FKBP5: variants seen among roughly 807,000 people sequenced by gnomAD.
The protein encoded by FKBP5 is peptidyl-prolyl cis-trans isomerase FKBP5.
FKBP5 carries 23 observed loss-of-function variants against 50.5 expected under a neutral mutation model. That is an observed-to-expected ratio of 0.46 (90% confidence interval 0.33 to 0.65). The LOEUF (loss-of-function observed/expected upper bound fraction) is 0.65. FKBP5 is among the 30% of genes least tolerant of loss of function. FKBP5 has a pLI of 0.02. For synonymous variants in FKBP5, 176 were observed against 190.6 expected, an observed-to-expected ratio of 0.92 and a Z score of 0.63; for missense variants, 411 against 553.1, an observed-to-expected ratio of 0.74 and a Z score of 2.58.
At chr6:35,621,824 A>C (rs1763854413) in intron 3 of FKBP5, among the ~76,000 whole-genome samples, 1 of 151,844 alleles carries the variant, frequency 6.6e-6, no homozygotes, top group African/African-American at 2.4e-5. Context: ...TCCACAAAAA[A>C]ATATATTTAA....
At chr6:35,603,386 T>C (rs1428434464) in intron 5 of FKBP5, among the ~76,000 whole-genome samples, 1 of 152,204 alleles carries the variant, frequency 6.6e-6, no homozygotes, top group East Asian at 1.9e-4. Flanking sequence ...AGGCAGTATC[T>C]TGTACTTCTT....
At chr6:35,578,742 T>A (rs1172711557) in intron 9 of FKBP5, among the ~76,000 whole-genome samples, 2 of 139,132 alleles carry the variant, frequency 1.4e-5, no homozygotes, top group African/African-American at 2.7e-5. Flanking sequence ...CACTCCAGAC[T>A]GGGTAACAGA....
At chr6:35,578,968 T>C (rs1581779281) in intron 9 of FKBP5, among the ~76,000 whole-genome samples, 1 of 141,936 alleles carries the variant, frequency 7.0e-6, no homozygotes, top group East Asian at 2.1e-4. Context: ...ATTTAAAAAT[T>C]AGCAGGGTGT....
At chr6:35,598,083 ATT>A (rs1287889739) in intron 5 of FKBP5, among the ~76,000 whole-genome samples, 1 of 152,190 alleles carries the variant, frequency 6.6e-6, no homozygotes, top group Non-Finnish European at 1.5e-5. Flanking sequence ...TAGGAGGTCA[ATT>A]TTGGGAGGCC....
intron 1 of FKBP5, among the ~76,000 whole-genome samples, chr6:35,644,053 A>T (rs1764564951): frequency 1.3e-5 from 2 of 152,314 alleles, no homozygotes; most frequent in South Asian, 2.1e-4. Context: ...TAGAATAAAA[A>T]TATCTGTTTT....
chr6:35,720,066 G>T (rs1300834477), intron 2 of FKBP5, among the ~76,000 whole-genome samples: 1 of 152,354 alleles, frequency 6.6e-6, no homozygotes, highest in East Asian at 1.9e-4. Context: ...GGGCTAGGGC[G>T]GGGTGGGAGA....
intron 1 of FKBP5, among the ~76,000 whole-genome samples, chr6:35,688,370 G>A (rs1324873270): frequency 3.9e-5 from 6 of 152,030 alleles, no homozygotes; most frequent in Admixed American, 6.5e-5. Context: ...TGCCGGCTGA[G>A]GGTCCGGCCG....
At chr6:35,593,178 C>T (rs1762872940) in intron 6 of FKBP5, among the ~76,000 whole-genome samples, 1 of 152,146 alleles carries the variant, frequency 6.6e-6, no homozygotes, top group African/African-American at 2.4e-5. Flanking sequence ...AACCAGGGCA[C>T]CCAACTCATC....
chr6:35,605,721 A>C (rs951203808), intron 5 of FKBP5, among the ~76,000 whole-genome samples: 4 of 152,132 alleles, frequency 2.6e-5, no homozygotes, highest in African/African-American at 7.2e-5. Flanking sequence ...TGAACGGGCA[A>C]AAGTTGGAAG....
At chr6:35,705,287 G>C in intron 2 of FKBP5, among the ~76,000 whole-genome samples, 1 of 88,934 alleles carries the variant, frequency 1.1e-5, no homozygotes, top group Non-Finnish European at 2.1e-5. Flanking sequence ...TTTTTTTGGA[G>C]ACAGTGTCTC....
chr6:35,638,994 T>C (rs58767751), intron 2 of FKBP5, among the ~76,000 whole-genome samples: 11,075 of 152,214 alleles, frequency 0.073, 799 homozygotes, highest in African/African-American at 0.2. Flanking sequence ...TACTATGGTA[T>C]CACTTCAGGC....
chr6:35,619,330 ATTCAT>A (rs1486872912), intron 4 of FKBP5, 120 bp from the exon 5 acceptor site: 2 of 602,440 alleles, frequency 3.3e-6, no homozygotes, highest in Admixed American at 6.0e-5. Context: ...AAATATATAC[ATTCAT>A]TTATGCATCT....
chr6:35,575,879 C>G lies in FKBP5; in HGVS notation c.1330G>C (p.Asp444His). 6.2e-7 allele frequency: 1 copy of G among 1,614,102 alleles called. No individual in the cohort carries two copies. The highest frequency in any genetic ancestry group is 1.1e-5 in the South Asian group (1 of 91,080). ...SEGVTNEKGT[D>H]SQAMEEEKPE... The stretch of plus-strand genomic sequence containing the variant: ...TTCTCTTCTTCCATTGCTTGACTGT[C>G]TGTTCCTTTTTCATTAGTGACCCCT... The change falls in exon 11 of 11, where the codon GAC becomes CAC. Residue 444 changes from aspartate (D) to histidine (H), a missense_variant. By Grantham distance (81) the Asp-to-His change is moderately conservative. Transcript: ENST00000357266.
intron 2 of FKBP5, among the ~76,000 whole-genome samples, chr6:35,641,085 C>T (rs1764473640): frequency 6.6e-6 from 1 of 152,176 alleles, no homozygotes; most frequent in Non-Finnish European, 1.5e-5. Context: ...CTTACATGAT[C>T]CTCCTGCCTC....
intron 2 of FKBP5, among the ~76,000 whole-genome samples, chr6:35,703,797 A>AGG (rs1766233681): frequency 1.3e-5 from 2 of 152,214 alleles, no homozygotes; most frequent in African/African-American, 2.4e-5. Context: ...GCACAGCAGG[A>AGG]GGCTTGGTGG....
intron 1 of FKBP5, among the ~76,000 whole-genome samples, chr6:35,657,332 T>C (rs1764983357): frequency 6.6e-6 from 1 of 152,212 alleles, no homozygotes; most frequent in Non-Finnish European, 1.5e-5. Context: ...TGGGCTAAAA[T>C]CAAGGTGTTG....
chr6:35,630,207 C>T lies in FKBP5; in HGVS notation c.250+6807G>A, dbSNP rs953464732. On this transcript the variant is annotated intron_variant, in intron 3 of 10. Transcript: ENST00000357266. ...GAGAGAGAGAGCGAGCGAACACAAG[C>T]GCCAGTGCTTTTGATAAACCTTACT... Among the ~76,000 whole-genome samples, 83 of 151,826 alleles carry T rather than the reference C, an allele frequency of 5.5e-4. 1 individual carries two copies. Among genetic ancestry groups the T allele is most frequent in the African/African-American group, 1.8e-3 (76 of 41,420 alleles).
intron 1 of FKBP5, among the ~76,000 whole-genome samples, chr6:35,669,406 T>G (rs1232436518): frequency 6.6e-6 from 1 of 152,228 alleles, no homozygotes; most frequent in Non-Finnish European, 1.5e-5. Context: ...TTATCATATT[T>G]AAGCATCTGA....
chr6:35,643,339 C>A (rs1764546400), intron 1 of FKBP5, among the ~76,000 whole-genome samples: 1 of 152,184 alleles, frequency 6.6e-6, no homozygotes, highest in Non-Finnish European at 1.5e-5. Context: ...GCTGAGCCTT[C>A]ATTTTTCATC....
Sources: gnomAD v4.1 joint callset for allele counts (sites outside exome capture counted in the v4.1 genomes callset) on GRCh38, gnomAD v4.1.1 for gene constraint, MANE v1.5 for transcripts, NCBI Gene and HGNC (gene_info 2026-07-23, HGNC 2026-07-21) for gene names.